The following WDR75 variants were observed in gnomAD, a reference collection of about 807,000 sequenced individuals.
The protein encoded by WDR75 is WD repeat domain 75, also known as WD repeat-containing protein 75.
Under a neutral mutation model 106.1 loss-of-function variants are expected in WDR75, and 52 were observed. The observed-to-expected ratio is 0.49, with a 90% CI of 0.39 to 0.62. The LOEUF (loss-of-function observed/expected upper bound fraction) is 0.62, where lower values mean the gene tolerates loss of function less well. Ranked by LOEUF, WDR75 falls within the 20% of genes least tolerant of loss-of-function variation. The pLI is 0.00. For missense variants in WDR75, 905 were observed against 970.3 expected, an observed-to-expected ratio of 0.93 and a Z score of 0.89; for synonymous variants, 333 against 335.5, an observed-to-expected ratio of 0.99 and a Z score of 0.08.
intron 9 of WDR75, 35 bp downstream of exon 9, chr2:189,462,677 A>G: frequency 6.3e-7 from 1 of 1,587,718 alleles, no homozygotes; most frequent in Non-Finnish European, 8.6e-7. Flanking sequence ...GGAAATATAT[A>G]AACACCATAA....
chr2:189,445,656 G>A (rs577990674), intron 1 of WDR75, among the ~76,000 whole-genome samples: 1 of 152,198 alleles, frequency 6.6e-6, no homozygotes, highest in South Asian at 2.1e-4. Flanking sequence ...AATAAATTAT[G>A]TAGTCAATAG....
chr2:189,468,422 A>C, intron 14 of WDR75, 53 bp from the exon 15 acceptor site: 2 of 1,553,816 alleles, frequency 1.3e-6, no homozygotes, highest in Non-Finnish European at 1.8e-6. Context: ...AGTTCTTTGT[A>C]ACTGAATTTG....
At chr2:189,464,058 G>A in intron 11 of WDR75, 97 bp downstream of exon 11, 1 of 993,326 alleles carries the variant, frequency 1.0e-6, no homozygotes, top group South Asian at 1.5e-5. Flanking sequence ...ACAAGATCCT[G>A]TGCATATGTT....
At chr2:189,454,402 G>A (rs1009128987) in intron 4 of WDR75, among the ~76,000 whole-genome samples, 2 of 152,112 alleles carry the variant, frequency 1.3e-5, no homozygotes, top group Non-Finnish European at 2.9e-5. Context: ...AAAACTCTCA[G>A]ATGATTTGTT....
chr2:189,449,468 G>A (rs1277100275), intron 2 of WDR75: 13 of 1,106,564 alleles, frequency 1.2e-5, no homozygotes, highest in Non-Finnish European at 1.5e-5. Context: ...GTGTTTGAAT[G>A]TTTTTAATAG....
rs909917892 is a variant in WDR75, at chr2:189,442,439, A to C, written c.86+861A>C. On this transcript the variant is annotated intron_variant, in intron 1 of 20. Coordinates refer to ENST00000314761, the MANE Select transcript of WDR75 (RefSeq NM_032168.3). ...TATGAAAGTTTGTAGCCTCCACAAT[A>C]TTCTTTTTTTTTTTTTTTTTTTTTT... is the stretch of plus-strand genomic sequence containing the variant. Among the ~76,000 whole-genome samples the C allele has an allele frequency of 5.3e-5, 3 of 56,906 alleles. No homozygotes were observed. In the Admixed American group the frequency reaches 5.9e-4, roughly 11 times the overall value. The allele number at this position is 56,906 out of a possible 152,430, so 37.3% of individuals were successfully genotyped here.
chr2:189,441,839 G>C (rs1686373695), intron 1 of WDR75, among the ~76,000 whole-genome samples: 1 of 152,220 alleles, frequency 6.6e-6, no homozygotes, highest in African/African-American at 2.4e-5. Context: ...CGAGGATCTG[G>C]AAGGTGTTCG....
chr2:189,450,873 A>C (rs748940818), intron 2 of WDR75, 30 bp from the exon 3 acceptor site: 1 of 1,593,512 alleles, frequency 6.3e-7, no homozygotes, highest in East Asian at 2.3e-5. Context: ...CTTTTTTTTA[A>C]ATCAATTTTG....
At chr2:189,468,683 A>T (rs780013414) in intron 15 of WDR75, 114 bp downstream of exon 15, 67 of 1,031,092 alleles carry the variant, frequency 6.5e-5, no homozygotes, top group Non-Finnish European at 9.5e-5. Context: ...TGGAATAGTC[A>T]GTTTTTTACG....
At chr2:189,444,221 C>T (rs1467967922) in intron 1 of WDR75, among the ~76,000 whole-genome samples, 3 of 152,072 alleles carry the variant, frequency 2.0e-5, no homozygotes, top group Non-Finnish European at 4.4e-5. Context: ...GATTGGCTGC[C>T]TTATACAAAG....
intron 8 of WDR75, among the ~76,000 whole-genome samples, chr2:189,460,898 C>G (rs1686866314): frequency 1.3e-5 from 2 of 152,082 alleles, no homozygotes; most frequent in Admixed American, 1.3e-4. Context: ...GTGAAATGTC[C>G]TTACTGACTG....
At chr2:189,443,117 G>T (rs1422614441) in intron 1 of WDR75, among the ~76,000 whole-genome samples, 2 of 152,194 alleles carry the variant, frequency 1.3e-5, no homozygotes, top group African/African-American at 4.8e-5. Context: ...TGCCTTCGAG[G>T]AGCTTACAGT....
intron 5 of WDR75, among the ~76,000 whole-genome samples, chr2:189,456,601 A>G (rs1190242311): frequency 1.3e-5 from 2 of 152,064 alleles, no homozygotes; most frequent in Non-Finnish European, 2.9e-5. Context: ...TGATCGAAAC[A>G]GATAGGTGGG....
Position 189,451,830 on chromosome 2 carries a change from A to G in WDR75, c.308A>G (p.His103Arg). The change falls in exon 4 of 21, where the codon CAT (histidine) becomes CGT (arginine). Residue 103 changes from histidine to arginine, a missense_variant. His to Arg is a conservative substitution (Grantham distance 29, BLOSUM62 0). Transcript: ENST00000314761. ...ACTTTCATAGTTGGATGTAAACTTC[A>G]TGCCCTCTTTACTCTTGCCCAAGCT... ...IKTFIVGCKL[H>R]ALFTLAQAED... 1 of 1,613,826 alleles carries G rather than the reference A, an allele frequency of 6.2e-7. No individual in the cohort carries two copies. The highest frequency in any genetic ancestry group is 1.3e-5 in the African/African-American group (1 of 75,050).
intron 2 of WDR75, chr2:189,449,976 A>G: frequency 1.0e-6 from 1 of 985,276 alleles, no homozygotes; most frequent in Non-Finnish European, 1.2e-6. Flanking sequence ...GAAACTTAGT[A>G]TTAATAAAAC....
At position 189,463,731 on chromosome 2, in the gene WDR75, A is replaced by G. The variant is rs768601998; in HGVS notation, c.975A>G (p.Ala325=). ...TTCACCGAAACCTTGAAGCATCCGC[A>G]GTAATTCAAGGCCTAGTGAAAGGTA... The part of the protein sequence containing the change: ...IIIHRNLEAS[A]VIQGLVKDRS... The change falls in exon 10 of 21, where the codon GCA becomes GCG. Residue 325 remains alanine, a synonymous_variant. Transcript: ENST00000314761. The G allele has an allele frequency of 1.2e-6, 2 of 1,613,788 alleles. No homozygotes were observed. Among genetic ancestry groups the G allele is most frequent in the African/African-American group, 1.3e-5 (1 of 74,922 alleles).
At chr2:189,449,542 A>ACT in intron 2 of WDR75, 1 of 1,085,844 alleles carries the variant, frequency 9.2e-7, no homozygotes, top group Non-Finnish European at 1.1e-6. Context: ...TATAGCCAAA[A>ACT]AAACGTATAC....
intron 2 of WDR75, chr2:189,449,862 T>C (rs1686580116): frequency 7.1e-6 from 7 of 984,744 alleles, no homozygotes; most frequent in Middle Eastern, 5.2e-4. Flanking sequence ...CATGTCTCTA[T>C]TTGCAGAAAT....
intron 13 of WDR75, among the ~76,000 whole-genome samples, chr2:189,466,804 C>G (rs1687010965): frequency 6.6e-6 from 1 of 151,950 alleles, no homozygotes; most frequent in Non-Finnish European, 1.5e-5. Flanking sequence ...GCTGATTATT[C>G]TGTTTTTTTA....
Sources: gnomAD v4.1 joint callset for allele counts (sites outside exome capture counted in the v4.1 genomes callset) on GRCh38, gnomAD v4.1.1 for gene constraint, MANE v1.5 for transcripts, NCBI Gene and HGNC (gene_info 2026-07-23, HGNC 2026-07-21) for gene names.